Variants in ZNRF3 observed in about 807,000 individuals in gnomAD.
ZNRF3 encodes the protein E3 ubiquitin-protein ligase ZNRF3.
A neutral mutation model predicts 72.5 loss-of-function variants in ZNRF3; 23 were observed. The ratio of observed to expected loss-of-function variants is 0.32; its 90% CI spans 0.23 to 0.45. ZNRF3 has a LOEUF of 0.45. Ranked by LOEUF, ZNRF3 falls within the 20% of genes least tolerant of loss-of-function variation. The pLI, the probability that ZNRF3 is intolerant of heterozygous loss-of-function variation, is 1.00. For synonymous variants in ZNRF3, 610 were observed against 545.3 expected (o/e 1.12, Z -1.65); for missense variants, 1,169 against 1,272.1 (o/e 0.92, Z 1.23).
At chr22:29,052,051 T>G (rs2037217119) in intron 8 of ZNRF3, among the ~76,000 whole-genome samples, 1 of 152,168 alleles carries the variant, frequency 6.6e-6, no homozygotes. Context: ...ACATGTAAGA[T>G]ACAAGTCCAG....
At position 29,042,485 on chromosome 22, in the gene ZNRF3, A is replaced by C; in HGVS notation, c.427-10A>C. The C allele has an allele frequency of 6.2e-7, 1 of 1,613,520 alleles. No individual in the cohort carries two copies. The highest frequency in any genetic ancestry group is 1.1e-5 in the South Asian group (1 of 90,954). On this transcript the variant is annotated splice_polypyrimidine_tract_variant and intron_variant, in intron 2 of 8. Transcript: ENST00000544604. ...AGAGGGCCAACCTGCTGTTTTTTTA[A>C]CTCTGGCAGGCCAAGCGAGCAGTAC...
At chr22:28,954,600 G>A (rs2035222845) in intron 1 of ZNRF3, among the ~76,000 whole-genome samples, 1 of 152,076 alleles carries the variant, frequency 6.6e-6, no homozygotes, top group South Asian at 2.1e-4. Flanking sequence ...TTGATTCTTG[G>A]ATGCTTTTCT....
intron 1 of ZNRF3, among the ~76,000 whole-genome samples, chr22:28,978,714 CT>C (rs532589368): frequency 1.2e-3 from 183 of 149,900 alleles, no homozygotes; most frequent in African/African-American, 4.0e-3. Context: ...TTCACCACCC[CT>C]GATTGCTATT....
At chr22:28,937,877 T>C (rs1373263453) in intron 1 of ZNRF3, among the ~76,000 whole-genome samples, 1 of 152,238 alleles carries the variant, frequency 6.6e-6, no homozygotes, top group Non-Finnish European at 1.5e-5. Flanking sequence ...AACAACCTTC[T>C]TTCTTTTGGA....
intron 1 of ZNRF3, among the ~76,000 whole-genome samples, chr22:28,893,036 G>A (rs940201373): frequency 4.0e-5 from 6 of 151,858 alleles, no homozygotes; most frequent in Admixed American, 2.6e-4. Context: ...GCGTGGTGGC[G>A]GGCGCCTGTA....
rs2037316967 is a variant in ZNRF3 at position 29,057,295 on chromosome 22, G to A, written c.*3673G>A. The A allele has an allele frequency of 6.6e-6, 1 of 152,092 alleles. No homozygotes were observed. The highest frequency in any genetic ancestry group is 1.5e-5 in the Non-Finnish European group (1 of 68,030). The allele number at this position is 152,092 out of a possible 1,614,324, so 9.4% of individuals were successfully genotyped here. On this transcript the variant is annotated 3_prime_UTR_variant, in exon 9 of 9. Coordinates refer to ENST00000544604, the MANE Select transcript of ZNRF3 (RefSeq NM_001206998.2). ...TTTATCTTAAGCCATGTCTTATGTT[G>A]AGAGTGTGACATTGTTGGAATAATC...
At chr22:29,020,810 T>C (rs1397702980) in intron 2 of ZNRF3, among the ~76,000 whole-genome samples, 2 of 148,082 alleles carry the variant, frequency 1.4e-5, no homozygotes, top group Non-Finnish European at 3.0e-5. Flanking sequence ...TGTGTGTGTG[T>C]GTTTGAGACA....
intron 1 of ZNRF3, among the ~76,000 whole-genome samples, chr22:28,886,501 T>G (rs972998842): frequency 6.6e-6 from 1 of 152,240 alleles, no homozygotes; most frequent in Non-Finnish European, 1.5e-5. Flanking sequence ...TTAGAGATGA[T>G]GCTATGCTGA....
At chr22:28,956,060 G>C (rs961117196) in intron 1 of ZNRF3, among the ~76,000 whole-genome samples, 2 of 152,142 alleles carry the variant, frequency 1.3e-5, no homozygotes, top group African/African-American at 4.8e-5. Flanking sequence ...TGAGGGAGAG[G>C]TGGTTCTGTC....
At chr22:28,986,586 G>A (rs722590) in intron 1 of ZNRF3, 1 of 984,738 alleles carries the variant, frequency 1.0e-6, no homozygotes, top group Non-Finnish European at 1.2e-6. Context: ...AATTACACTG[G>A]TGATTTCTGT....
chr22:28,887,270 GTA>G (rs1246327825), intron 1 of ZNRF3, among the ~76,000 whole-genome samples: 1 of 148,930 alleles, frequency 6.7e-6, no homozygotes, highest in East Asian at 2.0e-4. Context: ...GTGTGTGTGT[GTA>G]TACATATATT....
At chr22:28,937,199 ATATATATATATATATATTTTTTTTTT>A (rs1257900905) in intron 1 of ZNRF3, among the ~76,000 whole-genome samples, 17 of 6,202 alleles carry the variant, frequency 2.7e-3, no homozygotes, top group East Asian at 9.7e-3. Flanking sequence ...ATATATATAT[ATATATATATATATATATTTTTTTTTT>A]TTTTTTTTTT....
Position 29,039,784 on chromosome 22 carries a change from CAAAAAAAAAAAAAAA to C in ZNRF3, c.427-2700_427-2686del, listed in dbSNP as rs397976678. Among the ~76,000 whole-genome samples the C allele has an allele frequency of 4.7e-5, 4 of 85,322 alleles. 1 individual carries two copies. In the South Asian group the frequency reaches 1.6e-3, roughly 34 times the overall value. The allele number at this position is 85,322 out of a possible 152,430, so 56.0% of individuals were successfully genotyped here. A position where few individuals can be genotyped will look rare whatever the true frequency, so the allele number is the denominator to read the frequency against. The stretch of plus-strand genomic sequence containing the variant: ...CAACATAGTGAGACCTCGTCTCTAC[CAAAAAAAAAAAAAAA>C]AAAAAAAAAATTAGCCTGGCATGGT... On this transcript the variant is annotated intron_variant, in intron 2 of 8. Transcript: ENST00000544604.
At chr22:28,982,547 C>T (rs1407293218) in intron 1 of ZNRF3, among the ~76,000 whole-genome samples, 1 of 138,626 alleles carries the variant, frequency 7.2e-6, no homozygotes, top group Non-Finnish European at 1.5e-5. Context: ...ATCTGGGTGA[C>T]AGAACAAGAC....
At chr22:28,936,118 A>G (rs1352579625) in intron 1 of ZNRF3, among the ~76,000 whole-genome samples, 1 of 151,924 alleles carries the variant, frequency 6.6e-6, no homozygotes, top group Non-Finnish European at 1.5e-5. Context: ...GTTTTGTTTC[A>G]CCTTGGGGCT....
rs1195501927 is a variant in ZNRF3, at chr22:29,049,411, G to C, written c.1230G>C (p.Pro410=). Residue 410 remains proline, a synonymous_variant, in exon 8 of 9, where the codon CCG becomes CCC. Transcript: ENST00000544604. The surrounding 1 kb of genome is among the most constrained non-coding windows in gnomAD (Gnocchi z 5.2). ...DRHGEQSLYS[P]QTPAYIRSYP... ...ACGGGGAGCAGAGCCTCTATTCCCC[G>C]CAGACCCCCGCCTACATCCGCAGCT... 6.2e-7 allele frequency: 1 copy of C among 1,608,598 alleles called. No homozygotes were observed. The highest frequency in any genetic ancestry group is 1.7e-5 in the Admixed American group (1 of 59,932).
chr22:29,045,313 A>G (rs1275697955), intron 5 of ZNRF3, among the ~76,000 whole-genome samples: 2 of 149,806 alleles, frequency 1.3e-5, no homozygotes, highest in Non-Finnish European at 3.0e-5. Context: ...ATGAGCTATG[A>G]TCACACCACT....
chr22:28,921,737 C>G (rs986410255), intron 1 of ZNRF3, among the ~76,000 whole-genome samples: 1 of 152,160 alleles, frequency 6.6e-6, no homozygotes, highest in Admixed American at 6.5e-5. Context: ...TTCATATTCC[C>G]CCACAGCATT....
intron 2 of ZNRF3, among the ~76,000 whole-genome samples, chr22:29,027,357 T>TA (rs1421610621): frequency 6.6e-6 from 1 of 152,178 alleles, no homozygotes; most frequent in African/African-American, 2.4e-5. Flanking sequence ...CAAGTGATTC[T>TA]CCTGCCTCAG....
Sources: allele counts gnomAD v4.1 joint callset (sites outside exome capture counted in the v4.1 genomes callset), GRCh38; gene constraint gnomAD v4.1.1; non-coding constraint Gnocchi (gnomAD v3.1); transcripts MANE v1.5; gene names NCBI Gene and HGNC (gene_info 2026-07-23, HGNC 2026-07-21).